The following N4BP2L2 variants were observed in gnomAD, a reference collection of about 807,000 sequenced individuals.
The protein encoded by N4BP2L2 is NEDD4-binding protein 2-like 2.
Under a neutral mutation model 56.2 loss-of-function variants are expected in N4BP2L2, and 50 were observed. The observed-to-expected ratio is 0.89, with a 90% CI of 0.71 to 1.13. The LOEUF is 1.13. Among genes scored for constraint, N4BP2L2 ranks in the 50% most tolerant of loss-of-function variants. The probability of loss-of-function intolerance (pLI) is 0.00; values close to 1 mark genes in which losing one functional copy is unlikely to be tolerated. For synonymous variants in N4BP2L2, 203 were observed against 223.6 expected (o/e 0.91, Z 0.82); for missense variants, 689 against 693.8 (o/e 0.99, Z 0.08).
chr13:32,437,224 GTGTA>G (rs1207496468), intron 8 of N4BP2L2, among the ~76,000 whole-genome samples: 1 of 152,146 alleles, frequency 6.6e-6, no homozygotes, highest in Non-Finnish European at 1.5e-5. Flanking sequence ...CTCTGTGTGT[GTGTA>G]TGTGTGTTTT....
intron 5 of N4BP2L2, among the ~76,000 whole-genome samples, chr13:32,520,522 G>A (rs1320629540): frequency 6.6e-6 from 1 of 151,950 alleles, no homozygotes; most frequent in Non-Finnish European, 1.5e-5. Context: ...AGCCGGGAGT[G>A]GTGGCCAGCA....
intron 6 of N4BP2L2, among the ~76,000 whole-genome samples, chr13:32,454,211 T>C (rs1309986534): frequency 6.6e-6 from 1 of 152,218 alleles, no homozygotes; most frequent in Non-Finnish European, 1.5e-5. Flanking sequence ...GTGTAGAAGG[T>C]ATCCCAACAC....
downstream of N4BP2L2, chr13:32,507,429 G>A (rs2139688451): frequency 6.6e-6 from 1 of 152,208 alleles, no homozygotes; most frequent in African/African-American, 2.4e-5. Context: ...CAGTACTACA[G>A]GCACTGTTTA....
intron 6 of N4BP2L2, among the ~76,000 whole-genome samples, chr13:32,495,064 C>T (rs1036787074): frequency 4.7e-5 from 7 of 150,286 alleles, no homozygotes; most frequent in Admixed American, 2.0e-4. Flanking sequence ...TTAGCTCCAG[C>T]GAATACAATC....
rs150992970 is a variant in N4BP2L2, at chr13:32,445,428, C to T, written c.366-1302G>A. Among the ~76,000 whole-genome samples, 139 of 152,244 alleles carry T rather than the reference C, an allele frequency of 9.1e-4. 3 individuals carry two copies. In the East Asian group the frequency reaches 0.021, roughly 23 times the overall value. ...AAACCTACCAGTAAATATCTTGGACCTCCTAACATCTTAGATTTTGAAAAT... is the reference window on the plus strand; with the variant it reads ...AAACCTACCAGTAAATATCTTGGACTTCCTAACATCTTAGATTTTGAAAAT... On this transcript the variant is annotated intron_variant, in intron 6 of 9. Coordinates refer to the N4BP2L2 transcript ENST00000357505.
exon 6 of N4BP2L2, chr13:32,517,621 T>C (rs929710518): frequency 7.2e-7 from 1 of 1,390,500 alleles, no homozygotes; most frequent in Non-Finnish European, 9.3e-7. Context: ...ACATTTAAAA[T>C]ACAATTTCAT....
chr13:32,472,318 C>T (rs774689226), intron 6 of N4BP2L2, among the ~76,000 whole-genome samples: 8 of 152,268 alleles, frequency 5.3e-5, no homozygotes, highest in Non-Finnish European at 1.0e-4. Flanking sequence ...GAGAGAGAAA[C>T]GTCAATACTA....
intron 6 of N4BP2L2, among the ~76,000 whole-genome samples, chr13:32,476,768 T>G (rs937659449): frequency 6.6e-6 from 1 of 152,078 alleles, no homozygotes; most frequent in Non-Finnish European, 1.5e-5. Context: ...AATAACCACA[T>G]TCACTATTTA....
chr13:32,501,022 C>A (rs983846595), intron 6 of N4BP2L2, among the ~76,000 whole-genome samples: 1 of 152,052 alleles, frequency 6.6e-6, no homozygotes, highest in African/African-American at 2.4e-5. Flanking sequence ...GCATGCATCA[C>A]GACGCCCAGC....
At chr13:32,469,965 G>A (rs879333855) in intron 6 of N4BP2L2, among the ~76,000 whole-genome samples, 1 of 152,172 alleles carries the variant, frequency 6.6e-6, no homozygotes, top group Non-Finnish European at 1.5e-5. Context: ...GCCACATGTG[G>A]ACTTGGCAAT....
Position 32,517,691 on chromosome 13 carries a change from C to T in N4BP2L2, c.*111G>A, listed in dbSNP as rs1012743571. 2.1e-6 allele frequency: 3 copies of T among 1,435,604 alleles called. No homozygotes were observed. The African/African-American group carries it at 4.3e-5, about 21-fold the overall frequency. The allele number at this position is 1,435,604 out of a possible 1,614,324, so 88.9% of individuals were successfully genotyped here. On this transcript the variant is annotated 3_prime_UTR_variant, in exon 6 of 6. Transcript: ENST00000267068. ...ATTTAAACAACTTGCTGGGAACATC[C>T]TTTGTGAGGCACTGTAGCCTTTTTT...
At chr13:32,482,317 T>A (rs1242503591) in intron 6 of N4BP2L2, among the ~76,000 whole-genome samples, 1 of 152,194 alleles carries the variant, frequency 6.6e-6, no homozygotes, top group Non-Finnish European at 1.5e-5. Context: ...TGAATTGTTA[T>A]AGTGGGGTTT....
At chr13:32,527,938 AT>A (rs1438783974) in intron 2 of N4BP2L2, among the ~76,000 whole-genome samples, 4 of 151,820 alleles carry the variant, frequency 2.6e-5, no homozygotes, top group Non-Finnish European at 5.9e-5. Context: ...TGCCTGGCTA[AT>A]TTTTGCATTT....
chr13:32,538,422 G>A (rs1432983639), intron 1 of N4BP2L2, among the ~76,000 whole-genome samples, 196 bp downstream of exon 1: 1 of 152,148 alleles, frequency 6.6e-6, no homozygotes, highest in Non-Finnish European at 1.5e-5. Context: ...CCGGGCAAAA[G>A]TGCGTCACCC....
At chr13:32,529,975 C>T (rs575765798) in intron 2 of N4BP2L2, among the ~76,000 whole-genome samples, 2 of 152,290 alleles carry the variant, frequency 1.3e-5, no homozygotes, top group African/African-American at 4.8e-5. Context: ...ATCCTCCCAC[C>T]TCAGCCTCCT....
Position 32,518,009 on chromosome 13 carries a change from A to G in N4BP2L2, c.1551-6T>C. The G allele has an allele frequency of 6.2e-7, 1 of 1,611,446 alleles. No homozygotes were observed. The highest frequency in any genetic ancestry group is 8.5e-7 in the Non-Finnish European group (1 of 1,179,262). ...ACACACCATGTTTATTCCTCCTAAC[A>G]AAAAAGAAAAGGATTGTAAATCTTT... On this transcript the variant is annotated splice_region_variant and splice_polypyrimidine_tract_variant and intron_variant, in intron 5 of 5. Coordinates refer to ENST00000267068, the Ensembl canonical transcript of N4BP2L2.
At chr13:32,486,021 G>A (rs1051172963) in intron 6 of N4BP2L2, among the ~76,000 whole-genome samples, 2 of 152,174 alleles carry the variant, frequency 1.3e-5, no homozygotes, top group Non-Finnish European at 2.9e-5. Flanking sequence ...GGTGAACCAA[G>A]ATTATGCCAC....
At position 32,517,244 on chromosome 13, in the gene N4BP2L2, T is replaced by C. The variant is rs1460139889; in HGVS notation, c.*558A>G. The C allele has an allele frequency of 7.1e-6, 7 of 986,236 alleles. No individual in the cohort carries two copies. In the Admixed American group the frequency reaches 3.6e-4, roughly 51 times the overall value. 61.1% of individuals were successfully genotyped at this position (986,236 alleles called of 1,614,324 possible). Reference sequence around the variant, plus strand: ...CTCCCCAGGTGACTGATATACCTACTATCTAACATTTGCTGGGGAATTTTG... The same window carrying C: ...CTCCCCAGGTGACTGATATACCTACCATCTAACATTTGCTGGGGAATTTTG... On this transcript the variant is annotated 3_prime_UTR_variant, in exon 6 of 6. Transcript: ENST00000267068.
At chr13:32,470,880 C>T (rs1372271203) in intron 6 of N4BP2L2, among the ~76,000 whole-genome samples, 1 of 152,226 alleles carries the variant, frequency 6.6e-6, no homozygotes, top group Non-Finnish European at 1.5e-5. Context: ...TAAGCCTTCA[C>T]TGTTAGGAAG....
Sources: allele counts gnomAD v4.1 joint callset (sites outside exome capture counted in the v4.1 genomes callset), GRCh38; gene constraint gnomAD v4.1.1; transcripts MANE v1.5; gene names NCBI Gene and HGNC (gene_info 2026-07-23, HGNC 2026-07-21).